EXD3: variants seen among roughly 807,000 people sequenced by gnomAD.
The protein encoded by EXD3 is exonuclease mut-7 homolog.
Under a neutral mutation model 98.0 loss-of-function variants are expected in EXD3, and 92 were observed. The ratio of observed to expected loss-of-function variants is 0.94; its 90% CI spans 0.79 to 1.12. The LOEUF is 1.12. Among genes scored for constraint, EXD3 ranks in the 50% most tolerant of loss-of-function variants. The pLI is 0.00. For synonymous variants in EXD3, 569 were observed against 526.0 expected (o/e 1.08, Z -1.12); for missense variants, 1,222 against 1,191.6 (o/e 1.03, Z -0.38).
intron 1 of EXD3, among the ~76,000 whole-genome samples, chr9:137,411,732 G>T (rs1838012864): frequency 7.1e-6 from 1 of 140,632 alleles, no homozygotes; most frequent in Non-Finnish European, 1.6e-5. Context: ...GGTGGGGGAG[G>T]GGGAGGGGGT....
At chr9:137,351,198 T>C (rs1011990318) in intron 13 of EXD3, 51 bp from the exon 14 acceptor site, 6 of 1,535,626 alleles carry the variant, frequency 3.9e-6, no homozygotes, top group Non-Finnish European at 5.3e-6. Context: ...GGGACCGCAC[T>C]GTCCCCTGAC....
Position 137,313,793 on chromosome 9 carries a change from A to G in EXD3, c.2185-4093T>C, listed in dbSNP as rs143919584. On this transcript the variant is annotated intron_variant, in intron 19 of 21. Transcript: ENST00000340951. ...CTGTAGGAGCACACTCTGGAGCAAC[A>G]GGACATTTCTGCTCATTTAGAGCAA... Among the ~76,000 whole-genome samples, 134 of 152,314 alleles carry G rather than the reference A, an allele frequency of 8.8e-4. 1 individual carries two copies. Among genetic ancestry groups the G allele is most frequent in the Middle Eastern group, 3.4e-3 (1 of 294 alleles).
chr9:137,307,089 CAGT>C lies in EXD3; in HGVS notation c.2489_2491del (p.Tyr830del), dbSNP rs1442907914. On this transcript the variant is annotated inframe_deletion, in exon 22 of 22. Transcript: ENST00000340951. ...GAAGACCTTTCCACAGCCCGTGCAG[CAGT>C]AGAAGCACCGCAGCCCAGGTGTCCT... The C allele has an allele frequency of 5.0e-6, 8 of 1,610,642 alleles. No individual in the cohort carries two copies. Among genetic ancestry groups the C allele is most frequent in the African/African-American group, 4.0e-5 (3 of 74,870 alleles).
At chr9:137,365,788 C>A (rs1246042317) in intron 7 of EXD3, 1 of 330,920 alleles carries the variant, frequency 3.0e-6, no homozygotes, top group East Asian at 8.0e-5. Context: ...AACACACGTA[C>A]ACCTGCAGGC....
intron 2 of EXD3, among the ~76,000 whole-genome samples, chr9:137,384,183 G>A (rs1188603585): frequency 2.0e-5 from 3 of 152,326 alleles, no homozygotes; most frequent in South Asian, 2.1e-4. Flanking sequence ...AGGGCAGGAC[G>A]GGAACAGGGA....
chr9:137,358,381 G>C (rs1427410022), intron 7 of EXD3, among the ~76,000 whole-genome samples: 1 of 152,188 alleles, frequency 6.6e-6, no homozygotes, highest in East Asian at 1.9e-4. Flanking sequence ...GCTGTGGCCA[G>C]AACACCGTGC....
chr9:137,411,293 G>A (rs1388542693), intron 1 of EXD3, among the ~76,000 whole-genome samples: 2 of 152,162 alleles, frequency 1.3e-5, no homozygotes, highest in Non-Finnish European at 2.9e-5. Flanking sequence ...CCCAGAGAAG[G>A]AAACCAGCGA....
chr9:137,370,956 C>T (rs1030941132), intron 5 of EXD3, among the ~76,000 whole-genome samples: 9 of 152,360 alleles, frequency 5.9e-5, no homozygotes, highest in African/African-American at 2.2e-4. Flanking sequence ...TCGTGAGTCC[C>T]AGCTAATCCG....
chr9:137,406,605 C>T (rs1018702019), intron 1 of EXD3, among the ~76,000 whole-genome samples: 1 of 152,222 alleles, frequency 6.6e-6, no homozygotes, highest in Non-Finnish European at 1.5e-5. Context: ...CCTCGACCCC[C>T]AGACGGCAGC....
chr9:137,420,066 T>A (rs1283858860), intron 1 of EXD3, among the ~76,000 whole-genome samples: 1 of 151,050 alleles, frequency 6.6e-6, no homozygotes, highest in Non-Finnish European at 1.5e-5. Context: ...AGGCTGAGGC[T>A]GGTGAATGGC....
In EXD3 at chr9:137,381,552, C is replaced by A. The variant is rs530898455; in HGVS notation, c.120+1761G>T. On this transcript the variant is annotated intron_variant, in intron 3 of 21. Coordinates refer to ENST00000340951, the MANE Select transcript of EXD3 (RefSeq NM_017820.5). ...ACTCCAGGCCCTCACCCCGCCCCAG[C>A]CCTGCCTCCTCCTCCTGCCCGTCTC... 3.3e-4 allele frequency among the ~76,000 whole-genome samples: 50 copies of A among 152,254 alleles called. 1 individual carries two copies. In the South Asian group the frequency reaches 0.01, roughly 32 times the overall value.
rs117685287 is a variant in EXD3, at chr9:137,324,312, C to T, written c.1999-169G>A. 2.6e-4 allele frequency among the ~76,000 whole-genome samples: 39 copies of T among 152,268 alleles called. No homozygotes were observed. The highest frequency in any genetic ancestry group is 7.5e-4 in the African/African-American group (31 of 41,552). ...TCTTGGGTGGTGAGGAGCCCTCTGC[C>T]GGGTCCTGGGTGTCGCCTCATTGTA... On this transcript the variant is annotated intron_variant, in intron 17 of 21. Coordinates refer to ENST00000340951, the MANE Select transcript of EXD3 (RefSeq NM_017820.5). The surrounding 1 kb of genome is among the most constrained non-coding windows in gnomAD (Gnocchi z 4.1).
At chr9:137,331,332 G>C (rs1186470722) in intron 17 of EXD3, among the ~76,000 whole-genome samples, 1 of 151,944 alleles carries the variant, frequency 6.6e-6, no homozygotes, top group East Asian at 1.9e-4. Flanking sequence ...CAGTCCCCCT[G>C]AGAACTGCAA....
chr9:137,313,938 G>A (rs996899131), intron 19 of EXD3, among the ~76,000 whole-genome samples: 2 of 152,190 alleles, frequency 1.3e-5, no homozygotes, highest in African/African-American at 4.8e-5. Flanking sequence ...CTAGGACTGT[G>A]TGCGGAGATC....
intron 17 of EXD3, among the ~76,000 whole-genome samples, chr9:137,333,833 T>C (rs112366701): frequency 0.012 from 1,792 of 152,142 alleles, 38 homozygotes; most frequent in African/African-American, 0.041. Flanking sequence ...TATTTCTTTT[T>C]TTCTTTTCTT....
intron 19 of EXD3, among the ~76,000 whole-genome samples, chr9:137,316,455 C>A (rs1327280781): frequency 6.6e-6 from 1 of 152,046 alleles, no homozygotes; most frequent in South Asian, 2.1e-4. Flanking sequence ...AGCCCGCGCG[C>A]CCCGGGCGTG....
rs1834364875 is a variant in EXD3 at position 137,352,601 on chromosome 9, T to C, written c.1037+19A>G. 6.6e-7 allele frequency: 1 copy of C among 1,521,432 alleles called. No homozygotes were observed. Among genetic ancestry groups the C allele is most frequent in the African/African-American group, 1.4e-5 (1 of 72,116 alleles). The allele number at this position is 1,521,432 out of a possible 1,614,324, so 94.2% of individuals were successfully genotyped here. A position where few individuals can be genotyped will look rare whatever the true frequency, so the allele number is the denominator to read the frequency against. On this transcript the variant is annotated intron_variant, in intron 11 of 21. Transcript: ENST00000340951. ...GGGCGGAACCCACCCCTGGCTGGGGTCACCCTGGCGGCGCTCACCTCCCCT... is the reference window on the plus strand; with the variant it reads ...GGGCGGAACCCACCCCTGGCTGGGGCCACCCTGGCGGCGCTCACCTCCCCT...
chr9:137,361,103 C>T (rs899794898), intron 7 of EXD3, among the ~76,000 whole-genome samples: 1 of 87,274 alleles, frequency 1.1e-5, no homozygotes, highest in Non-Finnish European at 2.8e-5. Flanking sequence ...GGAAGCGAGG[C>T]TGCCAATCGC....
intron 16 of EXD3, 68 bp from the exon 17 acceptor site, chr9:137,348,306 G>T: frequency 6.7e-7 from 1 of 1,489,944 alleles, no homozygotes; most frequent in Non-Finnish European, 9.0e-7. Context: ...AGAGAGCCAG[G>T]GCCCTGAGGC....
Sources: allele counts gnomAD v4.1 joint callset (sites outside exome capture counted in the v4.1 genomes callset), GRCh38; gene constraint gnomAD v4.1.1; non-coding constraint Gnocchi (gnomAD v3.1); transcripts MANE v1.5; gene names NCBI Gene and HGNC (gene_info 2026-07-23, HGNC 2026-07-21).